The following ATG7 variants were observed in gnomAD, a reference collection of about 807,000 sequenced individuals.
The protein encoded by ATG7 is autophagy related 7, also known as ubiquitin-like modifier-activating enzyme ATG7.
In ATG7, 70 loss-of-function variants were observed where a neutral mutation model predicts 82.4. That is an observed-to-expected ratio of 0.85 (90% CI 0.70 to 1.04). The LOEUF (loss-of-function observed/expected upper bound fraction) is 1.04, where lower values mean the gene tolerates loss of function less well. ATG7 is among the 50% of genes least tolerant of loss of function. The probability of loss-of-function intolerance (pLI) is 0.00; values close to 1 mark genes in which losing one functional copy is unlikely to be tolerated. For synonymous variants in ATG7, 287 were observed against 313.0 expected (o/e 0.92, Z 0.88); for missense variants, 792 against 864.3 (o/e 0.92, Z 1.05).
Position 11,395,550 on chromosome 3 carries a change from G to T in ATG7, c.1956+15498G>T. Reference sequence around the variant, plus strand: ...TGATGGTCAGGCTTACAGTTGACTTGCAGAGTGTGAGCCACATGACAATGG... The same window carrying T: ...TGATGGTCAGGCTTACAGTTGACTTTCAGAGTGTGAGCCACATGACAATGG... On this transcript the variant is annotated intron_variant, in intron 19 of 20. Transcript: ENST00000693202. Among the ~76,000 whole-genome samples, 2 of 152,168 alleles carry T rather than the reference G, an allele frequency of 1.3e-5. 1 individual carries two copies. The highest frequency in any genetic ancestry group is 2.9e-5 in the Non-Finnish European group (2 of 68,032).
intron 20 of ATG7, among the ~76,000 whole-genome samples, chr3:11,429,055 T>C (rs2082617270): frequency 1.3e-5 from 2 of 152,240 alleles, no homozygotes; most frequent in Non-Finnish European, 2.9e-5. Flanking sequence ...TACTAAATTA[T>C]ATCTTTAGTT....
chr3:11,573,247 GAAAGAAAGAA>G, the ATG7 span, among the ~76,000 whole-genome samples: 28 of 47,788 alleles, frequency 5.9e-4, 2 homozygotes, highest in Admixed American at 1.5e-3. Context: ...AAGAAATAGA[GAAAGAAAGAA>G]AGAAAGAAAG....
At chr3:11,548,671 C>T (rs1454870202) in intron 20 of ATG7, among the ~76,000 whole-genome samples, 3 of 152,154 alleles carry the variant, frequency 2.0e-5, no homozygotes, top group Non-Finnish European at 4.4e-5. Flanking sequence ...CTAAAGAAAT[C>T]CCGGAACTGA....
At chr3:11,387,262 A>G (rs554366818) in intron 19 of ATG7, among the ~76,000 whole-genome samples, 1 of 152,326 alleles carries the variant, frequency 6.6e-6, no homozygotes, top group African/African-American at 2.4e-5. Context: ...CCTTCCGTTC[A>G]TGTCTCTTGA....
At chr3:11,447,108 T>G (rs1025550845) in intron 20 of ATG7, among the ~76,000 whole-genome samples, 7 of 152,226 alleles carry the variant, frequency 4.6e-5, no homozygotes, top group African/African-American at 1.4e-4. Context: ...AAACCTTTTG[T>G]AGCCATCCAT....
At chr3:11,351,346 G>A (rs2075528854) in intron 14 of ATG7, among the ~76,000 whole-genome samples, 1 of 152,190 alleles carries the variant, frequency 6.6e-6, no homozygotes, top group African/African-American at 2.4e-5. Context: ...GGGGTGGACT[G>A]GGAAGACTTG....
chr3:11,414,959 G>A (rs1003625340), intron 19 of ATG7, among the ~76,000 whole-genome samples: 33 of 152,168 alleles, frequency 2.2e-4, no homozygotes, highest in Non-Finnish European at 1.5e-4. Flanking sequence ...CTAAACGATG[G>A]GGATACCTTC....
At chr3:11,339,370 C>T (rs1953137044) in intron 11 of ATG7, among the ~76,000 whole-genome samples, 1 of 151,890 alleles carries the variant, frequency 6.6e-6, no homozygotes, top group Non-Finnish European at 1.5e-5. Flanking sequence ...CCCCCAGTCC[C>T]ATACATCTTA....
At chr3:11,342,411 T>C (rs1953794237) in intron 13 of ATG7, 132 bp downstream of exon 13, 5 of 1,217,644 alleles carry the variant, frequency 4.1e-6, no homozygotes, top group Non-Finnish European at 5.6e-6. Context: ...TTTTTCCTTT[T>C]CTTATCTTTT....
chr3:11,431,557 C>T (rs2082892906), intron 20 of ATG7, among the ~76,000 whole-genome samples: 1 of 152,154 alleles, frequency 6.6e-6, no homozygotes, highest in Non-Finnish European at 1.5e-5. Context: ...CTCCCTGTTC[C>T]CTCCTCCTTC....
intron 20 of ATG7, among the ~76,000 whole-genome samples, chr3:11,437,295 CTG>C (rs2083453933): frequency 6.6e-6 from 1 of 152,202 alleles, no homozygotes; most frequent in African/African-American, 2.4e-5. Flanking sequence ...GCCTTAGTCT[CTG>C]TGCACCTCCT....
intron 19 of ATG7, among the ~76,000 whole-genome samples, chr3:11,421,944 G>C (rs2081970267): frequency 6.6e-6 from 1 of 152,158 alleles, no homozygotes; most frequent in South Asian, 2.1e-4. Context: ...ATTTTGAAAG[G>C]AACCTTTTTT....
intron 20 of ATG7, among the ~76,000 whole-genome samples, chr3:11,436,995 G>A (rs2083427207): frequency 6.6e-6 from 1 of 152,156 alleles, no homozygotes; most frequent in African/African-American, 2.4e-5. Flanking sequence ...GATGATGGTT[G>A]CACAACGGTG....
chr3:11,453,166 G>T (rs2085361427), intron 20 of ATG7, among the ~76,000 whole-genome samples: 1 of 152,214 alleles, frequency 6.6e-6, no homozygotes, highest in South Asian at 2.1e-4. Context: ...TGTTGAGGGG[G>T]CTGAGAGTTC....
intron 20 of ATG7, among the ~76,000 whole-genome samples, chr3:11,528,656 T>C (rs1241897968): frequency 6.6e-6 from 1 of 151,754 alleles, no homozygotes; most frequent in Non-Finnish European, 1.5e-5. Flanking sequence ...TGAAACCCCA[T>C]CTCTACTAAA....
At chr3:11,463,625 A>AG (rs2086554344) in intron 20 of ATG7, among the ~76,000 whole-genome samples, 1 of 151,044 alleles carries the variant, frequency 6.6e-6, no homozygotes, top group South Asian at 2.1e-4. Flanking sequence ...TCATAGGTGG[A>AG]GAGTGTTGGA....
the ATG7 span, among the ~76,000 whole-genome samples, chr3:11,575,380 C>T: frequency 5.5e-3 from 842 of 152,342 alleles, 34 homozygotes; most frequent in East Asian, 0.098. Flanking sequence ...GCCAGCATCT[C>T]CACATGCTCC....
intron 20 of ATG7, among the ~76,000 whole-genome samples, chr3:11,444,395 G>C (rs987403738): frequency 2.0e-5 from 3 of 152,156 alleles, no homozygotes; most frequent in East Asian, 1.9e-4. Context: ...AATAGGGTTT[G>C]TCAGATAGGG....
chr3:11,479,341 G>T (rs1274611901), intron 20 of ATG7, among the ~76,000 whole-genome samples: 1 of 152,136 alleles, frequency 6.6e-6, no homozygotes, highest in Non-Finnish European at 1.5e-5. Context: ...TGAATTTCAA[G>T]AAGTCAAAGG....
Sources: allele counts gnomAD v4.1 joint callset (sites outside exome capture counted in the v4.1 genomes callset), GRCh38; gene constraint gnomAD v4.1.1; transcripts MANE v1.5; gene names NCBI Gene and HGNC (gene_info 2026-07-23, HGNC 2026-07-21).